CFAP47: variants seen among roughly 807,000 people sequenced by gnomAD.
The protein encoded by CFAP47 is cilia and flagella associated protein 47.
CFAP47 carries 29 observed loss-of-function variants against 148.1 expected under a neutral mutation model. The ratio of observed to expected loss-of-function variants is 0.20; its 90% CI spans 0.15 to 0.27. The LOEUF (loss-of-function observed/expected upper bound fraction) is 0.27. CFAP47 is among the 10% of genes least tolerant of loss of function. The pLI, the probability that CFAP47 is intolerant of heterozygous loss-of-function variation, is 1.00. For synonymous variants in CFAP47, 664 were observed against 577.3 expected (o/e 1.15, Z -2.15); for missense variants, 1,872 against 1,697.5 (o/e 1.10, Z -1.81).
At chrX:36,102,862 G>A (rs1938399320) in intron 32 of CFAP47, among the ~76,000 whole-genome samples, 1 of 111,724 alleles carries the variant, frequency 9.0e-6, no homozygotes, top group Admixed American at 9.5e-5. Context: ...ATGAAAGAAG[G>A]CAGTTCCATT....
intron 30 of CFAP47, among the ~76,000 whole-genome samples, chrX:36,088,220 G>A (rs902774069): frequency 1.6e-4 from 18 of 111,578 alleles, no homozygotes; most frequent in Non-Finnish European, 3.0e-4. Flanking sequence ...GTAGACCATA[G>A]CAATACCATA....
At chrX:36,123,231 G>A (rs1048214772) in intron 33 of CFAP47, among the ~76,000 whole-genome samples, 7 of 112,377 alleles carry the variant, frequency 6.2e-5, no homozygotes, top group Non-Finnish European at 9.4e-5. Context: ...ACCAGTCTTA[G>A]GACTGTGGTG....
chrX:36,086,128 T>C (rs1159551363), intron 30 of CFAP47, among the ~76,000 whole-genome samples: 1 of 112,187 alleles, frequency 8.9e-6, no homozygotes, highest in Non-Finnish European at 1.9e-5. Flanking sequence ...TTTTAAATGG[T>C]TGATGCAAAA....
intron 33 of CFAP47, among the ~76,000 whole-genome samples, chrX:36,122,380 A>C (rs763585221): frequency 2.6e-4 from 29 of 111,193 alleles, no homozygotes; most frequent in Non-Finnish European, 4.9e-4. Context: ...ATCCCTTTGA[A>C]TAATCTTTAT....
At chrX:36,291,499 A>G (rs1264581279) in intron 51 of CFAP47, among the ~76,000 whole-genome samples, 1 of 111,287 alleles carries the variant, frequency 9.0e-6, no homozygotes, top group African/African-American at 3.3e-5. Context: ...ATTCCAAAAT[A>G]AAACAATTTT....
intron 45 of CFAP47, among the ~76,000 whole-genome samples, chrX:36,223,527 A>T (rs1161063974): frequency 9.0e-6 from 1 of 111,710 alleles, no homozygotes; most frequent in Admixed American, 9.6e-5. Flanking sequence ...ACCAAAAACA[A>T]CTATAGAAGG....
chrX:36,325,303 G>A (rs1429104047), intron 57 of CFAP47, among the ~76,000 whole-genome samples: 5 of 111,423 alleles, frequency 4.5e-5, no homozygotes, highest in Non-Finnish European at 7.5e-5. Context: ...ATATTCCTAT[G>A]TTAGAGATGA....
At chrX:35,981,349 C>G (rs1484413985) in intron 15 of CFAP47, among the ~76,000 whole-genome samples, 1 of 104,244 alleles carries the variant, frequency 9.6e-6, no homozygotes, top group Non-Finnish European at 2.0e-5. Flanking sequence ...AATAAAAAGG[C>G]AAGGACTGCC....
chrX:36,077,998 C>T (rs1269575588), intron 29 of CFAP47, among the ~76,000 whole-genome samples: 2 of 109,683 alleles, frequency 1.8e-5, no homozygotes, highest in Non-Finnish European at 3.8e-5. Flanking sequence ...CACTGCACTC[C>T]AGCCTGAATG....
At chrX:36,215,974 G>GTTAA (rs782293097) in intron 45 of CFAP47, among the ~76,000 whole-genome samples, 26 of 111,630 alleles carry the variant, frequency 2.3e-4, no homozygotes, top group Non-Finnish European at 4.3e-4. Context: ...TCTTAACCAT[G>GTTAA]TTAATTACCC....
At chrX:35,932,882 C>T (rs1031653086) in intron 2 of CFAP47, among the ~76,000 whole-genome samples, 2 of 111,349 alleles carry the variant, frequency 1.8e-5, no homozygotes, top group Admixed American at 1.9e-4. Context: ...GCTTTGACCT[C>T]CCAAAGTGCT....
intron 61 of CFAP47, among the ~76,000 whole-genome samples, chrX:36,362,250 GT>G (rs1941834767): frequency 8.9e-6 from 1 of 112,217 alleles, no homozygotes; most frequent in African/African-American, 3.2e-5. Flanking sequence ...ATATTTGTAG[GT>G]TTTTTACATG....
At chrX:36,340,030 A>C (rs968507065) in intron 57 of CFAP47, among the ~76,000 whole-genome samples, 1 of 111,876 alleles carries the variant, frequency 8.9e-6, no homozygotes, top group Middle Eastern at 4.6e-3. Flanking sequence ...TCTTCGGATA[A>C]CCTTCTATTA....
In CFAP47 at chrX:36,071,982, A is replaced by G; in HGVS notation, c.4465+11A>G. The G allele has an allele frequency of 8.5e-7, 1 of 1,182,244 alleles. No individual in the cohort carries two copies. The highest frequency in any genetic ancestry group is 2.3e-5 in the Admixed American group (1 of 43,525). On this transcript the variant is annotated intron_variant, in intron 28 of 63. Transcript: ENST00000378653. ...GAAACTTATTTATTGGTATGTAGCA[A>G]ATATATAGTGTACTTTCCAAAATTA...
chrX:36,204,864 C>T (rs782031724), intron 44 of CFAP47, 93 bp from the exon 45 acceptor site: 92 of 289,111 alleles, frequency 3.2e-4, no homozygotes, highest in African/African-American at 2.3e-3. Flanking sequence ...ATTTTTTTCC[C>T]CAAAGGTATA....
intron 29 of CFAP47, among the ~76,000 whole-genome samples, chrX:36,075,789 G>T (rs980081309): frequency 9.0e-5 from 10 of 111,307 alleles, no homozygotes; most frequent in Admixed American, 1.9e-4. Flanking sequence ...GCGGTATTTG[G>T]TTTTTTTGTT....
At chrX:36,086,812 T>A (rs1938096743) in intron 30 of CFAP47, among the ~76,000 whole-genome samples, 1 of 110,894 alleles carries the variant, frequency 9.0e-6, no homozygotes. Flanking sequence ...GGCTTCTGTG[T>A]TGGGATGTTA....
chrX:36,119,093 G>A (rs1190156556), intron 33 of CFAP47, among the ~76,000 whole-genome samples: 4 of 111,584 alleles, frequency 3.6e-5, no homozygotes, highest in African/African-American at 1.3e-4. Flanking sequence ...CCCTAGCTAG[G>A]ATTTACAGTA....
intron 46 of CFAP47, among the ~76,000 whole-genome samples, chrX:36,231,274 C>G (rs1555992565): frequency 9.3e-6 from 1 of 107,465 alleles, no homozygotes; most frequent in Non-Finnish European, 1.9e-5. Context: ...TGTTTGTATC[C>G]TCTTTTATTT....
Sources: gnomAD v4.1 joint callset for allele counts (sites outside exome capture counted in the v4.1 genomes callset) on GRCh38, gnomAD v4.1.1 for gene constraint, MANE v1.5 for transcripts, NCBI Gene and HGNC (gene_info 2026-07-23, HGNC 2026-07-21) for gene names.